The following CSNK2A1 variants were observed in gnomAD, a reference collection of about 807,000 sequenced individuals.
CSNK2A1 encodes the protein casein kinase 2 alpha 1, also known as casein kinase II subunit alpha.
A neutral mutation model predicts 62.9 loss-of-function variants in CSNK2A1; 10 were observed. The observed-to-expected ratio is 0.16, with a 90% CI of 0.10 to 0.27. The LOEUF (loss-of-function observed/expected upper bound fraction) is 0.27. Ranked by LOEUF, CSNK2A1 falls within the 10% of genes least tolerant of loss-of-function variation. CSNK2A1 has a pLI of 1.00. For synonymous variants in CSNK2A1, 124 were observed against 167.8 expected (o/e 0.74, Z 2.02); for missense variants, 160 against 492.0 (o/e 0.33, Z 6.38).
chr20:506,878 G>A (rs1448477607), intron 3 of CSNK2A1: 1 of 152,158 alleles, frequency 6.6e-6, no homozygotes, highest in Non-Finnish European at 1.5e-5. Flanking sequence ...TGCCATTTAA[G>A]CAGAACCAAG....
Position 489,770 on chromosome 20 carries a change from CAT to C in CSNK2A1, c.723+8_723+9del, listed in dbSNP as rs762855204. ...CCAGTACATTTTTCAATGGGTATAA[CAT>C]ATATTACCTGATCATAATTGTCATG... On this transcript the variant is annotated splice_region_variant and intron_variant, in intron 10 of 13. Transcript: ENST00000217244. 1 of 1,602,480 alleles carries C rather than the reference CAT, an allele frequency of 6.2e-7. No homozygotes were observed. Among genetic ancestry groups the C allele is most frequent in the African/African-American group, 1.3e-5 (1 of 74,658 alleles).
intron 1 of CSNK2A1, among the ~76,000 whole-genome samples, chr20:536,019 T>C (rs759846940): frequency 1.3e-5 from 2 of 152,132 alleles, no homozygotes; most frequent in Non-Finnish European, 2.9e-5. Context: ...AGGTAGACCT[T>C]TTCCTGAGTC....
intron 7 of CSNK2A1, chr20:496,053 A>C: frequency 2.4e-6 from 1 of 413,426 alleles, no homozygotes; most frequent in East Asian, 4.4e-5. Context: ...AAAAGACCCA[A>C]AGTATACCCA....
intron 1 of CSNK2A1, among the ~76,000 whole-genome samples, chr20:540,461 A>G (rs772161472): frequency 1.3e-5 from 2 of 152,220 alleles, no homozygotes; most frequent in African/African-American, 2.4e-5. Context: ...CCAGTTTCCA[A>G]TAAGAAAGAC....
At chr20:537,963 CT>C (rs60811807) in intron 1 of CSNK2A1, among the ~76,000 whole-genome samples, 6,323 of 141,196 alleles carry the variant, frequency 0.045, 142 homozygotes, top group South Asian at 0.052. Flanking sequence ...CAGTTAACAT[CT>C]TTTTTTTTTT....
intron 2 of CSNK2A1, among the ~76,000 whole-genome samples, chr20:524,628 GC>G (rs2019033143): frequency 1.0e-5 from 1 of 95,604 alleles, no homozygotes; most frequent in South Asian, 2.6e-4. Flanking sequence ...TACTCAGGAG[GC>G]TGAGGCTGGA....
At chr20:508,311 T>C in intron 3 of CSNK2A1, 140 bp downstream of exon 3, 7 of 945,396 alleles carry the variant, frequency 7.4e-6, no homozygotes, top group Non-Finnish European at 9.0e-6. Flanking sequence ...AATTTTCAGC[T>C]CAAAAGAAAA....
At chr20:503,986 T>C (rs1437671931) in intron 4 of CSNK2A1, among the ~76,000 whole-genome samples, 1 of 152,194 alleles carries the variant, frequency 6.6e-6, no homozygotes, top group African/African-American at 2.4e-5. Context: ...GAGACCAGCC[T>C]GACCAATATG....
chr20:542,126 C>T (rs374785315), intron 1 of CSNK2A1, among the ~76,000 whole-genome samples: 16 of 152,338 alleles, frequency 1.1e-4, no homozygotes, highest in African/African-American at 3.8e-4. Context: ...CCCAAATATA[C>T]CAGCTAGTCC....
At chr20:532,352 G>C (rs748462229) in intron 1 of CSNK2A1, among the ~76,000 whole-genome samples, 4,873 of 73,692 alleles carry the variant, frequency 0.066, 220 homozygotes, top group African/African-American at 0.19. Flanking sequence ...TTTTTTTTTT[G>C]TATTTTAGTA....
chr20:486,479 A>G lies in CSNK2A1; in HGVS notation c.974-17T>C. 1 of 1,613,144 alleles carries G rather than the reference A, an allele frequency of 6.2e-7. No homozygotes were observed. ...CAACAGTGTCTAGAAAAGAGACAAAAAGGCTAGGTTCTGTTTTGCTTGAAA... is the reference window on the plus strand; with the variant it reads ...CAACAGTGTCTAGAAAAGAGACAAAGAGGCTAGGTTCTGTTTTGCTTGAAA... On this transcript the variant is annotated splice_polypyrimidine_tract_variant and intron_variant, in intron 12 of 13. Transcript: ENST00000217244.
chr20:514,020 T>A (rs986897586), intron 2 of CSNK2A1, among the ~76,000 whole-genome samples: 23 of 152,034 alleles, frequency 1.5e-4, no homozygotes, highest in African/African-American at 5.3e-4. Flanking sequence ...CTCAGATAGA[T>A]AAAAGGGTAC....
At position 479,694 on chromosome 20, in the gene CSNK2A1, G is replaced by A. The variant is rs535030463; in HGVS notation, c.*4267C>T. ...AAAGGAGAGCTATAAAGTCTAGGAA[G>A]TACTTATTTACATAGGATTGAGTCC... On this transcript the variant is annotated 3_prime_UTR_variant, in exon 14 of 14. Transcript: ENST00000217244. The A allele has an allele frequency of 6.6e-6, 1 of 152,296 alleles. No individual in the cohort carries two copies. The highest frequency in any genetic ancestry group is 2.1e-4 in the South Asian group (1 of 4,830). The allele number at this position is 152,296 out of a possible 1,614,324, so 9.4% of individuals were successfully genotyped here. A position where few individuals can be genotyped will look rare whatever the true frequency, so the allele number is the denominator to read the frequency against.
chr20:483,804 A>ATT lies in CSNK2A1; in HGVS notation c.*155_*156dup. On this transcript the variant is annotated 3_prime_UTR_variant, in exon 14 of 14. Transcript: ENST00000217244. ...GAAAAAAGAAAATCAGCCTATTATA[A>ATT]TTTTTTTTTTATGACTGAACTACTA... 5 of 423,486 alleles carry ATT rather than the reference A, an allele frequency of 1.2e-5. No homozygotes were observed. The highest frequency in any genetic ancestry group is 1.6e-5 in the Non-Finnish European group (4 of 255,296). The allele number at this position is 423,486 out of a possible 1,614,324, so 26.2% of individuals were successfully genotyped here. A position where few individuals can be genotyped will look rare whatever the true frequency, so the allele number is the denominator to read the frequency against.
At chr20:540,661 T>G (rs1479668675) in intron 1 of CSNK2A1, among the ~76,000 whole-genome samples, 1 of 152,164 alleles carries the variant, frequency 6.6e-6, no homozygotes, top group Non-Finnish European at 1.5e-5. Flanking sequence ...TCCAGGCCTT[T>G]TCTATCATGC....
Position 504,859 on chromosome 20 carries a change from G to T in CSNK2A1, c.213+259C>A, listed in dbSNP as rs73892427. On this transcript the variant is annotated intron_variant, in intron 4 of 13. Transcript: ENST00000217244. ...GGAAATAAGTATTAGGCAATAACTGGGAGAGAAGAGACTGTACCTTTGCTC... is the reference window on the plus strand; with the variant it reads ...GGAAATAAGTATTAGGCAATAACTGTGAGAGAAGAGACTGTACCTTTGCTC... 1,696 of 408,428 alleles carry T rather than the reference G, an allele frequency of 4.2e-3. 31 individuals carry two copies. Among genetic ancestry groups the T allele is most frequent in the African/African-American group, 0.029 (1,433 of 48,654 alleles). 25.3% of individuals were successfully genotyped at this position (408,428 alleles called of 1,614,324 possible). A position where few individuals can be genotyped will look rare whatever the true frequency, so the allele number is the denominator to read the frequency against.
At position 543,695 on chromosome 20, in the gene CSNK2A1, G is replaced by C. The variant is rs1044938403; in HGVS notation, c.-250C>G. 2 of 398,240 alleles carry C rather than the reference G, an allele frequency of 5.0e-6. No individual in the cohort carries two copies. The highest frequency in any genetic ancestry group is 2.1e-5 in the African/African-American group (1 of 48,610). 24.7% of individuals were successfully genotyped at this position (398,240 alleles called of 1,614,324 possible). A position where few individuals can be genotyped will look rare whatever the true frequency, so the allele number is the denominator to read the frequency against. ...ACCTGTGGTGGAAGCGGCAGCGGCGGCGGCCGCTCTCCCCTCTGCTCACAC... is the reference window on the plus strand; with the variant it reads ...ACCTGTGGTGGAAGCGGCAGCGGCGCCGGCCGCTCTCCCCTCTGCTCACAC... On this transcript the variant is annotated 5_prime_UTR_variant, in exon 1 of 14. Coordinates refer to ENST00000217244, the MANE Select transcript of CSNK2A1 (RefSeq NM_177559.3).
intron 6 of CSNK2A1, 196 bp from the exon 7 acceptor site, chr20:497,976 A>T (rs1447316709): frequency 5.8e-6 from 3 of 519,804 alleles, no homozygotes; most frequent in Non-Finnish European, 1.0e-5. Context: ...AAAAATGAAG[A>T]ATTACTTAAA....
chr20:501,325 AGTGCTGGGATTATAGGC>A (rs1353536328), intron 4 of CSNK2A1: 1 of 152,310 alleles, frequency 6.6e-6, no homozygotes, highest in African/African-American at 2.4e-5. Context: ...GGCCTTCCAA[AGTGCTGGGATTATAGGC>A]ATGAGCCACT....
Sources: gnomAD v4.1 joint callset for allele counts (sites outside exome capture counted in the v4.1 genomes callset) on GRCh38, gnomAD v4.1.1 for gene constraint, MANE v1.5 for transcripts, NCBI Gene and HGNC (gene_info 2026-07-23, HGNC 2026-07-21) for gene names.